The following OSBP variants were observed in gnomAD, a reference collection of about 807,000 sequenced individuals.
The protein encoded by OSBP is oxysterol binding protein, also known as oxysterol-binding protein 1.
A neutral mutation model predicts 96.6 loss-of-function variants in OSBP; 32 were observed. That is an observed-to-expected ratio of 0.33 (90% CI 0.25 to 0.45). The LOEUF (loss-of-function observed/expected upper bound fraction) is 0.45. Ranked by LOEUF, OSBP falls within the 20% of genes least tolerant of loss-of-function variation. The pLI, the probability that OSBP is intolerant of heterozygous loss-of-function variation, is 1.00. For synonymous variants in OSBP, 369 were observed against 389.6 expected, an observed-to-expected ratio of 0.95 and a Z score of 0.62; for missense variants, 653 against 1,029.7, an observed-to-expected ratio of 0.63 and a Z score of 5.01.
intron 3 of OSBP, among the ~76,000 whole-genome samples, chr11:59,606,395 C>T (rs1860781248): frequency 6.6e-6 from 1 of 150,544 alleles, no homozygotes; most frequent in African/African-American, 2.4e-5. Flanking sequence ...ATGAATGCAA[C>T]TGGAGGCCAA....
chr11:59,590,753 G>A (rs1211099848), intron 9 of OSBP, among the ~76,000 whole-genome samples: 1 of 152,102 alleles, frequency 6.6e-6, no homozygotes, highest in African/African-American at 2.4e-5. Flanking sequence ...TATATCTACT[G>A]GCTTAACAAT....
chr11:59,589,741 T>C (rs1333603471), intron 9 of OSBP, among the ~76,000 whole-genome samples: 1 of 152,064 alleles, frequency 6.6e-6, no homozygotes, highest in Non-Finnish European at 1.5e-5. Flanking sequence ...TCCCAGCACT[T>C]TGGGAGGCCA....
chr11:59,601,171 T>C (rs1469070011), intron 5 of OSBP, 112 bp downstream of exon 5: 7 of 544,214 alleles, frequency 1.3e-5, no homozygotes, highest in Non-Finnish European at 2.3e-5. Context: ...ACAATTATAA[T>C]ACTCTCACTG....
chr11:59,586,162 AT>A (rs1264300554), intron 9 of OSBP, among the ~76,000 whole-genome samples: 1 of 151,072 alleles, frequency 6.6e-6, no homozygotes, highest in Admixed American at 6.6e-5. Flanking sequence ...AGAATGATCA[AT>A]AAAAAATAAA....
Position 59,576,329 on chromosome 11 carries a change from C to T in OSBP, c.*248G>A, listed in dbSNP as rs1860361015. ...TTCGTGGATGTGGAATAACACTAAC[C>T]TTCGGCCACTAAACCTCTCCCTTAC... On this transcript the variant is annotated 3_prime_UTR_variant, in exon 14 of 14. Transcript: ENST00000263847. 4 of 455,330 alleles carry T rather than the reference C, an allele frequency of 8.8e-6. No homozygotes were observed. Among genetic ancestry groups the T allele is most frequent in the Non-Finnish European group, 1.6e-5 (4 of 257,252 alleles). 28.2% of individuals were successfully genotyped at this position (455,330 alleles called of 1,614,324 possible).
In OSBP at chr11:59,581,505, C is replaced by A. The variant is rs1039058199; in HGVS notation, c.1728G>T (p.Lys576Asn). 6 of 1,613,090 alleles carry A rather than the reference C, an allele frequency of 3.7e-6. No homozygotes were observed. Among genetic ancestry groups the A allele is most frequent in the East Asian group, 2.2e-5 (1 of 44,878 alleles). The change falls in exon 10 of 14, where the codon AAG becomes AAT. Residue 576 changes from lysine (K) to asparagine (N), a missense_variant. Transcript: ENST00000263847. Reference protein sequence around the residue: ...FHATGHHYTWKKVTTTVHNII... With the variant: ...FHATGHHYTWNKVTTTVHNII... Reference sequence around the variant, plus strand: ...TGTTGTGTACAGTTGTGGTAACTTTCTTCCAAGTGTAGTGGTGCCCAGTTG... The same window carrying A: ...TGTTGTGTACAGTTGTGGTAACTTTATTCCAAGTGTAGTGGTGCCCAGTTG...
chr11:59,605,288 C>A (rs1348092023), intron 3 of OSBP, among the ~76,000 whole-genome samples: 2 of 152,218 alleles, frequency 1.3e-5, no homozygotes, highest in African/African-American at 4.8e-5. Flanking sequence ...ATGCTAGCTG[C>A]TTCCTTGCTC....
Position 59,606,856 on chromosome 11 carries a change from G to C in OSBP, c.822+1628C>G, listed in dbSNP as rs927659831. ...AGGAAACAACACAGGGATAAAAAAT[G>C]TATTTTAAGCAATAACTGGCTAGGA... is the stretch of plus-strand genomic sequence containing the variant. On this transcript the variant is annotated intron_variant, in intron 3 of 13. Transcript: ENST00000263847. Among the ~76,000 whole-genome samples the C allele has an allele frequency of 5.3e-5, 8 of 152,294 alleles. 1 individual carries two copies. Among genetic ancestry groups the C allele is most frequent in the Admixed American group, 5.2e-4 (8 of 15,294 alleles).
In OSBP at chr11:59,594,684, C is replaced by T. The variant is rs118166818; in HGVS notation, c.1312-429G>A. Among the ~76,000 whole-genome samples, 514 of 152,318 alleles carry T rather than the reference C, an allele frequency of 3.4e-3. 2 individuals carry two copies. The highest frequency in any genetic ancestry group is 4.4e-3 in the Non-Finnish European group (301 of 68,036). ...AAGAAACAGTAGTAAATTATAAGTA[C>T]AGCTATATCCTGACTAGTTATAAAA... On this transcript the variant is annotated intron_variant, in intron 7 of 13. Coordinates refer to ENST00000263847, the MANE Select transcript of OSBP (RefSeq NM_002556.3).
chr11:59,600,960 A>T (rs545213804), intron 5 of OSBP, 87 bp from the exon 6 acceptor site: 4 of 1,100,214 alleles, frequency 3.6e-6, no homozygotes, highest in Non-Finnish European at 5.6e-6. Flanking sequence ...GCAGAATGCC[A>T]AGTACACTGT....
chr11:59,576,745 A>G lies in OSBP; in HGVS notation c.2282-26T>C, dbSNP rs760819893. 5.6e-6 allele frequency: 9 copies of G among 1,612,046 alleles called. No homozygotes were observed. In the East Asian group the frequency reaches 6.7e-5, roughly 12 times the overall value. ...CTAAAAGGAAAAGAGAGGAAAGAAA[A>G]AAATTAGTGCTGGCATTCTCCATGC... On this transcript the variant is annotated intron_variant, in intron 13 of 13. Coordinates refer to ENST00000263847, the MANE Select transcript of OSBP (RefSeq NM_002556.3).
At chr11:59,596,429 C>A (rs2134665869) in intron 7 of OSBP, among the ~76,000 whole-genome samples, 1 of 152,290 alleles carries the variant, frequency 6.6e-6, no homozygotes, top group South Asian at 2.1e-4. Context: ...TTCACACACA[C>A]ACAGCCTTGC....
chr11:59,610,782 G>A (rs1860833825), intron 1 of OSBP, among the ~76,000 whole-genome samples, 193 bp from the exon 2 acceptor site: 2 of 149,494 alleles, frequency 1.3e-5, no homozygotes, highest in South Asian at 4.2e-4. Context: ...GCCTATAAGT[G>A]TTGTTTCTGA....
intron 3 of OSBP, among the ~76,000 whole-genome samples, chr11:59,604,913 G>A (rs1292474343): frequency 6.6e-6 from 1 of 151,216 alleles, no homozygotes; most frequent in African/African-American, 2.4e-5. Flanking sequence ...CAGCACTTTG[G>A]GAGGCCTAGG....
Position 59,576,671 on chromosome 11 carries a change from T to G in OSBP, c.2330A>C (p.Asp777Ala), listed in dbSNP as rs1860364948. 6.2e-7 allele frequency: 1 copy of G among 1,613,986 alleles called. No homozygotes were observed. The highest frequency in any genetic ancestry group is 8.5e-7 in the Non-Finnish European group (1 of 1,180,006). ...ATGGGTTAACTCCTTGGTAACAGGG[T>G]CCTTCTTCCGCTCAAACCACAGTGC... ...YKALWFERKK[D>A]PVTKELTHIY... Residue 777 changes from aspartate (D) to alanine (A), a missense_variant, in exon 14 of 14, where the codon GAC becomes GCC. By Grantham distance (126) the Asp-to-Ala change is moderately radical (BLOSUM62 -2). This residue lies in a region of OSBP where 169 missense variants were observed against 251.5 expected (regional missense o/e 0.67). Coordinates refer to ENST00000263847, the MANE Select transcript of OSBP (RefSeq NM_002556.3).
intron 1 of OSBP, among the ~76,000 whole-genome samples, chr11:59,611,886 A>T (rs1464182766): frequency 6.6e-6 from 1 of 152,252 alleles, no homozygotes; most frequent in African/African-American, 2.4e-5. Flanking sequence ...TAAAATATCA[A>T]GCTTCTAGCA....
chr11:59,598,297 T>A (rs1292664718), intron 7 of OSBP, among the ~76,000 whole-genome samples: 3 of 152,208 alleles, frequency 2.0e-5, no homozygotes, highest in Non-Finnish European at 4.4e-5. Flanking sequence ...ACGCAGTCTA[T>A]GAAGAGGCAG....
At chr11:59,589,876 C>A (rs1411548036) in intron 9 of OSBP, among the ~76,000 whole-genome samples, 1 of 151,686 alleles carries the variant, frequency 6.6e-6, no homozygotes, top group African/African-American at 2.4e-5. Context: ...CCAGCTACTC[C>A]GGAAGCTGAA....
At chr11:59,595,073 G>A (rs1454052605) in intron 7 of OSBP, 1 of 154,530 alleles carries the variant, frequency 6.5e-6, no homozygotes, top group Non-Finnish European at 1.5e-5. Flanking sequence ...GTTAACAAGA[G>A]AAGCTGACTT....
Sources: gnomAD v4.1 joint callset for allele counts (sites outside exome capture counted in the v4.1 genomes callset) on GRCh38, gnomAD v4.1.1 for gene constraint, gnomAD v4.1.1 regional missense constraint, MANE v1.5 for transcripts, NCBI Gene and HGNC (gene_info 2026-07-23, HGNC 2026-07-21) for gene names.